The following KAZN variants were observed in gnomAD, a reference collection of about 807,000 sequenced individuals.
KAZN encodes the protein kazrin.
KAZN carries 40 observed loss-of-function variants against 87.4 expected under a neutral mutation model. The observed-to-expected ratio is 0.46, with a 90% CI of 0.36 to 0.60. KAZN has a LOEUF of 0.60. Among genes scored for constraint, KAZN ranks in the 20% least tolerant of loss-of-function variants. The pLI, the probability that KAZN is intolerant of heterozygous loss-of-function variation, is 0.00. For synonymous variants in KAZN, 466 were observed against 458.3 expected, an observed-to-expected ratio of 1.02 and a Z score of -0.22; for missense variants, 898 against 1,073.9, an observed-to-expected ratio of 0.84 and a Z score of 2.29.
At chr1:14,053,702 T>C (rs539529861) in intron 1 of KAZN, among the ~76,000 whole-genome samples, 1 of 152,288 alleles carries the variant, frequency 6.6e-6, no homozygotes, top group African/African-American at 2.4e-5. Flanking sequence ...TATGCCTGCT[T>C]TGGTATACAG....
At chr1:13,937,924 T>C (rs995011200) in intron 1 of KAZN, among the ~76,000 whole-genome samples, 1 of 152,182 alleles carries the variant, frequency 6.6e-6, no homozygotes, top group Non-Finnish European at 1.5e-5. Flanking sequence ...TATAAACTTG[T>C]AGTATCATTA....
chr1:14,744,977 G>A (rs1013133482), intron 1 of KAZN, among the ~76,000 whole-genome samples: 4 of 152,138 alleles, frequency 2.6e-5, no homozygotes, highest in Non-Finnish European at 4.4e-5. Flanking sequence ...AACCGCCTGA[G>A]CCTGGAGCTA....
chr1:14,393,729 A>G (rs572690086), intron 2 of KAZN, among the ~76,000 whole-genome samples: 5 of 151,858 alleles, frequency 3.3e-5, no homozygotes, highest in Non-Finnish European at 7.4e-5. Flanking sequence ...GCTATTTCTA[A>G]AAGTCATGGA....
chr1:14,450,236 A>C (rs6659078), intron 2 of KAZN, among the ~76,000 whole-genome samples: 87,097 of 151,936 alleles, frequency 0.57, 25,577 homozygotes, highest in African/African-American at 0.69. Flanking sequence ...GAGCTTCCAA[A>C]TGATTTGAGG....
At chr1:14,797,400 A>T (rs1645862386) in intron 1 of KAZN, among the ~76,000 whole-genome samples, 1 of 152,092 alleles carries the variant, frequency 6.6e-6, no homozygotes, top group South Asian at 2.1e-4. Context: ...TTGTCCAAGA[A>T]GCGCTAACTG....
At chr1:14,687,518 C>T (rs1333927082) in intron 1 of KAZN, among the ~76,000 whole-genome samples, 4 of 152,258 alleles carry the variant, frequency 2.6e-5, no homozygotes, top group South Asian at 2.1e-4. Flanking sequence ...GGGGGAAAAG[C>T]GTGTGTGCTC....
chr1:14,451,840 A>T (rs1294931020), intron 2 of KAZN, among the ~76,000 whole-genome samples: 1 of 152,178 alleles, frequency 6.6e-6, no homozygotes, highest in Non-Finnish European at 1.5e-5. Context: ...CACCTTGAAG[A>T]CAGTCAGGTA....
chr1:14,575,418 TA>T, intron 2 of KAZN, among the ~76,000 whole-genome samples: 1 of 152,096 alleles, frequency 6.6e-6, no homozygotes, highest in Admixed American at 6.5e-5. Context: ...TTTCCCTTTA[TA>T]AAACCATCAG....
At chr1:14,041,252 C>T (rs1433048318) in intron 1 of KAZN, among the ~76,000 whole-genome samples, 1 of 152,168 alleles carries the variant, frequency 6.6e-6, no homozygotes, top group East Asian at 1.9e-4. Context: ...TCTCCTTATA[C>T]CCCAGTAGTA....
intron 2 of KAZN, among the ~76,000 whole-genome samples, chr1:14,320,560 C>A (rs576215611): frequency 8.5e-5 from 13 of 152,202 alleles, no homozygotes; most frequent in African/African-American, 3.1e-4. Context: ...AATTCTGAGA[C>A]CTCCAGCATC....
Position 13,980,039 on chromosome 1 carries a change from G to C in KAZN, c.91+86283G>C, listed in dbSNP as rs1351900235. 3.9e-5 allele frequency among the ~76,000 whole-genome samples: 6 copies of C among 152,114 alleles called. No individual in the cohort carries two copies. In the East Asian group the frequency reaches 1.2e-3, roughly 29 times the overall value. On this transcript the variant is annotated intron_variant, in intron 1 of 16. Transcript: ENST00000636203. ...ATAAATGCCTTTAAAGTGTTAGACG[G>C]TTCTGACATTGTCCAAGAAGTGTCA...
intron 2 of KAZN, among the ~76,000 whole-genome samples, chr1:14,592,101 T>A (rs921904551): frequency 7.2e-5 from 11 of 152,080 alleles, no homozygotes; most frequent in African/African-American, 2.7e-4. Flanking sequence ...GTTGCCCTTT[T>A]CCCCAGAGCA....
At chr1:14,962,850 G>A (rs778690587) in intron 2 of KAZN, among the ~76,000 whole-genome samples, 222 of 152,214 alleles carry the variant, frequency 1.5e-3, no homozygotes, top group Middle Eastern at 3.4e-3. Flanking sequence ...GGATGGCGGC[G>A]GCGGGAGTTA....
At chr1:14,364,973 C>A (rs907018057) in intron 2 of KAZN, among the ~76,000 whole-genome samples, 1 of 151,706 alleles carries the variant, frequency 6.6e-6, no homozygotes, top group African/African-American at 2.4e-5. Context: ...GAACTCCTGG[C>A]CTTAAGTGAT....
chr1:14,442,991 G>A (rs1252464846), intron 2 of KAZN, among the ~76,000 whole-genome samples: 2 of 152,086 alleles, frequency 1.3e-5, no homozygotes, highest in Non-Finnish European at 2.9e-5. Context: ...TGCACCATTA[G>A]CTTGTCTCAT....
intron 1 of KAZN, among the ~76,000 whole-genome samples, chr1:14,925,860 C>G (rs55853508): frequency 0.019 from 2,903 of 152,272 alleles, 96 homozygotes; most frequent in African/African-American, 0.065. Context: ...TCCCCAGTTA[C>G]ACACGGCAGA....
At position 15,056,641 on chromosome 1, in the gene KAZN, C is replaced by T. The variant is rs563465033; in HGVS notation, c.916+361C>T. On this transcript the variant is annotated intron_variant, in intron 5 of 14. Coordinates refer to ENST00000376030, the MANE Select transcript of KAZN (RefSeq NM_201628.3). The surrounding 1 kb of genome is among the most constrained non-coding windows in gnomAD (Gnocchi z 5.4). Reference sequence around the variant, plus strand: ...TTAAGAAAGAAAAACTATCTCTTTCCCCCTGTGTCCATAGCAAATCCCAAA... The same window carrying T: ...TTAAGAAAGAAAAACTATCTCTTTCTCCCTGTGTCCATAGCAAATCCCAAA... Among the ~76,000 whole-genome samples, 6 of 152,320 alleles carry T rather than the reference C, an allele frequency of 3.9e-5. No homozygotes were observed. Among genetic ancestry groups the T allele is most frequent in the African/African-American group, 1.4e-4 (6 of 41,562 alleles).
intron 1 of KAZN, among the ~76,000 whole-genome samples, chr1:13,935,713 C>T (rs1286725019): frequency 2.0e-5 from 3 of 152,122 alleles, no homozygotes; most frequent in Non-Finnish European, 4.4e-5. Flanking sequence ...TTACAGTTTA[C>T]AGCGTGGGGT....
intron 2 of KAZN, among the ~76,000 whole-genome samples, chr1:14,345,716 A>T (rs534660415): frequency 6.6e-5 from 10 of 152,254 alleles, no homozygotes; most frequent in South Asian, 2.1e-4. Flanking sequence ...TTTGTTTTTT[A>T]AAAAAATAAA....
Sources: gnomAD v4.1 joint callset for allele counts (sites outside exome capture counted in the v4.1 genomes callset) on GRCh38, gnomAD v4.1.1 for gene constraint, Gnocchi (gnomAD v3.1) non-coding constraint, MANE v1.5 for transcripts, NCBI Gene and HGNC (gene_info 2026-07-23, HGNC 2026-07-21) for gene names.